The following LMTK2 variants were observed in gnomAD, a reference collection of about 807,000 sequenced individuals.
LMTK2 encodes the protein lemur tail kinase 2.
In LMTK2, 37 loss-of-function variants were observed where a neutral mutation model predicts 127.5. The ratio of observed to expected loss-of-function variants is 0.29; its 90% CI spans 0.22 to 0.38. The LOEUF is 0.38. Ranked by LOEUF, LMTK2 falls within the 10% of genes least tolerant of loss-of-function variation. LMTK2 has a pLI of 1.00. For synonymous variants in LMTK2, 819 were observed against 810.1 expected (o/e 1.01, Z -0.19); for missense variants, 1,694 against 1,920.3 (o/e 0.88, Z 2.20).
intron 6 of LMTK2, among the ~76,000 whole-genome samples, chr7:98,161,467 T>G (rs1797015594): frequency 6.6e-6 from 1 of 152,164 alleles, no homozygotes. Flanking sequence ...GGCAGCATGC[T>G]GCACCTGGAG....
rs756129762 is a variant in LMTK2, at chr7:98,192,877, C to T, written c.2412C>T (p.Ser804=). 4 of 1,614,078 alleles carry T rather than the reference C, an allele frequency of 2.5e-6. No homozygotes were observed. In the South Asian group the frequency reaches 4.4e-5, roughly 18 times the overall value. The change falls in exon 11 of 14, where the codon AGC becomes AGT. Residue 804 remains serine, a synonymous_variant. Transcript: ENST00000297293. ...TCATGCTCACAGGTGACACTTTGAG[C>T]ACCTCATTGCAGTCTTCCCCGGAAG... ...TDVMLTGDTL[S]TSLQSSPEVQ...
intron 1 of LMTK2, among the ~76,000 whole-genome samples, chr7:98,124,587 A>G (rs1183008707): frequency 6.6e-6 from 1 of 152,104 alleles, no homozygotes; most frequent in Admixed American, 6.5e-5. Flanking sequence ...AGAGACAGAG[A>G]CCAGCCTGGG....
At chr7:98,180,435 G>A in intron 7 of LMTK2, among the ~76,000 whole-genome samples, 1 of 152,154 alleles carries the variant, frequency 6.6e-6, no homozygotes, top group East Asian at 1.9e-4. Flanking sequence ...TGATTATAAA[G>A]ACTCTAAGGG....
intron 9 of LMTK2, among the ~76,000 whole-genome samples, chr7:98,187,272 A>C (rs1797450044): frequency 1.3e-5 from 2 of 152,346 alleles, no homozygotes; most frequent in South Asian, 4.1e-4. Context: ...ACAGGGCCTG[A>C]CATGTAATAG....
In LMTK2 at chr7:98,137,311, C is replaced by A; in HGVS notation, c.104-4C>A. On this transcript the variant is annotated splice_polypyrimidine_tract_variant and splice_region_variant and intron_variant, in intron 1 of 13. Coordinates refer to ENST00000297293, the MANE Select transcript of LMTK2 (RefSeq NM_014916.4). ...TTTTTAATATTATTTATCTCTCTTT[C>A]CAGGGGAGGCGCCACCTGCTGCAGA... The A allele has an allele frequency of 6.2e-7, 1 of 1,604,420 alleles. No individual in the cohort carries two copies. Among genetic ancestry groups the A allele is most frequent in the Non-Finnish European group, 8.5e-7 (1 of 1,177,260 alleles).
At position 98,208,307 on chromosome 7, in the gene LMTK2, C is replaced by T. The variant is rs1268603094; in HGVS notation, c.*2815C>T. 2 of 152,068 alleles carry T rather than the reference C, an allele frequency of 1.3e-5. No individual in the cohort carries two copies. Among genetic ancestry groups the T allele is most frequent in the African/African-American group, 4.8e-5 (2 of 41,396 alleles). 9.4% of individuals were successfully genotyped at this position (152,068 alleles called of 1,614,324 possible). On this transcript the variant is annotated 3_prime_UTR_variant, in exon 14 of 14. Coordinates refer to ENST00000297293, the MANE Select transcript of LMTK2 (RefSeq NM_014916.4). ...ATGTTTTTTTGAAATCCAAGCAATA[C>T]ACAGGAAATTTAAGTAGAATAAAAA...
intron 6 of LMTK2, among the ~76,000 whole-genome samples, chr7:98,170,056 C>CT (rs1797161013): frequency 6.6e-6 from 1 of 152,206 alleles, no homozygotes; most frequent in Non-Finnish European, 1.5e-5. Context: ...TGTCTGCATA[C>CT]TGATTTAATT....
rs138179178 is a variant in LMTK2, at chr7:98,171,567, C to T, written c.684C>T (p.Ser228=). 90 of 1,613,946 alleles carry T rather than the reference C, an allele frequency of 5.6e-5. No individual in the cohort carries two copies. In the Middle Eastern group the frequency reaches 8.5e-4, roughly 15 times the overall value. The part of the protein sequence containing the change: ...DLGDLKAYLR[S]EQEHMRGDSQ... ...GTGACCTGAAGGCGTATCTGCGCAG[C>T]GAGCAGGAGCACATGCGGGGGGACT... Residue 228 remains serine (S), a synonymous_variant, in exon 7 of 14, where the codon AGC becomes AGT. Coordinates refer to ENST00000297293, the MANE Select transcript of LMTK2 (RefSeq NM_014916.4). This position sits in a 1 kb window ranked among gnomAD's most constrained non-coding sequence, Gnocchi z 5.1.
Position 98,192,140 on chromosome 7 carries a change from AGTG to A in LMTK2, c.1678_1680del (p.Gly560del). 1 of 1,531,550 alleles carries A rather than the reference AGTG, an allele frequency of 6.5e-7. No homozygotes were observed. Among genetic ancestry groups the A allele is most frequent in the Non-Finnish European group, 8.7e-7 (1 of 1,142,882 alleles). The allele number at this position is 1,531,550 out of a possible 1,614,324, so 94.9% of individuals were successfully genotyped here. A position where few individuals can be genotyped will look rare whatever the true frequency, so the allele number is the denominator to read the frequency against. ...CTATTATATCCAGTTAGAAGAAAAA[AGTG>A]GTAGTAACTTGGAGCTTGATTACCC... On this transcript the variant is annotated inframe_deletion, in exon 11 of 14. Coordinates refer to ENST00000297293, the MANE Select transcript of LMTK2 (RefSeq NM_014916.4).
chr7:98,190,900 T>A, intron 10 of LMTK2, 23 bp downstream of exon 10: 4 of 1,609,172 alleles, frequency 2.5e-6, no homozygotes, highest in Non-Finnish European at 3.4e-6. Context: ...ACATTCCGCC[T>A]GTTCTGTTTC....
intron 1 of LMTK2, among the ~76,000 whole-genome samples, chr7:98,123,606 G>T (rs1478284583): frequency 2.0e-5 from 3 of 152,086 alleles, no homozygotes; most frequent in African/African-American, 7.2e-5. Context: ...GCCTTGGTAT[G>T]AGTCTCGTTT....
chr7:98,139,237 G>A (rs553067750), intron 2 of LMTK2, among the ~76,000 whole-genome samples: 141 of 152,056 alleles, frequency 9.3e-4, no homozygotes, highest in Non-Finnish European at 1.9e-3. Context: ...TTAGCCTCCC[G>A]AGTAGCTAAG....
At chr7:98,203,773 G>C (rs2116485026) in intron 12 of LMTK2, 67 bp downstream of exon 12, 2 of 1,596,614 alleles carry the variant, frequency 1.3e-6, no homozygotes, top group Non-Finnish European at 1.7e-6. Flanking sequence ...GTTTTTTGAG[G>C]GTAACTTCCC....
At chr7:98,154,336 T>G (rs1003712786) in intron 4 of LMTK2, among the ~76,000 whole-genome samples, 1 of 152,242 alleles carries the variant, frequency 6.6e-6, no homozygotes, top group Non-Finnish European at 1.5e-5. Flanking sequence ...GTTTACTTTC[T>G]CATATGTATA....
intron 1 of LMTK2, among the ~76,000 whole-genome samples, chr7:98,129,173 A>G (rs1486914086): frequency 6.6e-6 from 1 of 152,090 alleles, no homozygotes; most frequent in Non-Finnish European, 1.5e-5. Flanking sequence ...CAGCCTTAAC[A>G]TCCTGGGCTC....
intron 1 of LMTK2, among the ~76,000 whole-genome samples, chr7:98,112,019 T>C (rs1393033132): frequency 1.3e-5 from 2 of 152,232 alleles, no homozygotes; most frequent in South Asian, 2.1e-4. Flanking sequence ...CAGATGCTGA[T>C]TTTAATTTAT....
chr7:98,205,525 C>T lies in LMTK2; in HGVS notation c.*33C>T. 1 of 1,610,116 alleles carries T rather than the reference C, an allele frequency of 6.2e-7. No individual in the cohort carries two copies. ...CCAACGCGCACGCTCGGGTCCGAGG[C>T]TGCTCCCCTGGAGCGGCGCCCCTGC... is the stretch of plus-strand genomic sequence containing the variant. On this transcript the variant is annotated 3_prime_UTR_variant, in exon 14 of 14. Coordinates refer to ENST00000297293, the MANE Select transcript of LMTK2 (RefSeq NM_014916.4).
intron 11 of LMTK2, among the ~76,000 whole-genome samples, chr7:98,195,899 GA>G (rs1344068813): frequency 6.6e-6 from 1 of 152,176 alleles, no homozygotes; most frequent in Non-Finnish European, 1.5e-5. Flanking sequence ...TTTAAAAAAT[GA>G]AAAGTAAGGC....
At chr7:98,182,511 C>G (rs1797369469) in intron 7 of LMTK2, among the ~76,000 whole-genome samples, 1 of 152,160 alleles carries the variant, frequency 6.6e-6, no homozygotes, top group African/African-American at 2.4e-5. Flanking sequence ...TTAGGAAAAT[C>G]CAAGTCAATT....
Sources: gnomAD v4.1 joint callset for allele counts (sites outside exome capture counted in the v4.1 genomes callset) on GRCh38, gnomAD v4.1.1 for gene constraint, Gnocchi (gnomAD v3.1) non-coding constraint, MANE v1.5 for transcripts, NCBI Gene and HGNC (gene_info 2026-07-23, HGNC 2026-07-21) for gene names.